MAML3: variants seen among roughly 807,000 people sequenced by gnomAD.
The protein encoded by MAML3 is mastermind like transcriptional coactivator 3, also known as mastermind-like protein 3.
Under a neutral mutation model 101.9 loss-of-function variants are expected in MAML3, and 27 were observed. That is an observed-to-expected ratio of 0.27 (90% CI 0.20 to 0.37). MAML3 has a LOEUF of 0.37. Ranked by LOEUF, MAML3 falls within the 10% of genes least tolerant of loss-of-function variation. The probability of loss-of-function intolerance (pLI) is 1.00; values close to 1 mark genes in which losing one functional copy is unlikely to be tolerated. For synonymous variants in MAML3, 501 were observed against 555.9 expected (o/e 0.90, Z 1.39); for missense variants, 1,316 against 1,444.9 (o/e 0.91, Z 1.45).
At chr4:140,079,625 G>T (rs1237340394) in intron 1 of MAML3, among the ~76,000 whole-genome samples, 1 of 152,034 alleles carries the variant, frequency 6.6e-6, no homozygotes, top group Non-Finnish European at 1.5e-5. Flanking sequence ...TTTCCTCCTT[G>T]CATTGGGAAA....
At chr4:139,727,605 C>G (rs1438572896) in intron 3 of MAML3, among the ~76,000 whole-genome samples, 1 of 152,152 alleles carries the variant, frequency 6.6e-6, no homozygotes, top group African/African-American at 2.4e-5. Flanking sequence ...GATGGGACTT[C>G]ATGATGTAGA....
At chr4:139,796,087 A>G (rs941972665) in intron 2 of MAML3, among the ~76,000 whole-genome samples, 1 of 152,136 alleles carries the variant, frequency 6.6e-6, no homozygotes, top group East Asian at 1.9e-4. Context: ...GAAATGTGGG[A>G]GCTTCATGTT....
intron 2 of MAML3, among the ~76,000 whole-genome samples, chr4:139,864,950 T>C (rs939581869): frequency 1.4e-5 from 2 of 144,556 alleles, no homozygotes; most frequent in Non-Finnish European, 3.0e-5. Flanking sequence ...TTTTTTTTTT[T>C]TTTGCCACAA....
intron 2 of MAML3, among the ~76,000 whole-genome samples, chr4:139,832,105 T>TCCAC (rs1731176696): frequency 9.6e-6 from 1 of 103,974 alleles, no homozygotes; most frequent in African/African-American, 6.6e-5. Context: ...TTTTTTTTTT[T>TCCAC]TTTTTTTTTT....
intron 2 of MAML3, among the ~76,000 whole-genome samples, chr4:139,871,890 T>A (rs1732013762): frequency 6.6e-6 from 1 of 152,266 alleles, no homozygotes; most frequent in African/African-American, 2.4e-5. Flanking sequence ...CGGTTGTAAC[T>A]ACTTGTTACA....
chr4:140,011,392 C>A (rs1247147305), intron 1 of MAML3, among the ~76,000 whole-genome samples: 1 of 134,068 alleles, frequency 7.5e-6, no homozygotes, highest in Non-Finnish European at 1.6e-5. Flanking sequence ...GGCCGGACTG[C>A]GGACTGCAGT....
At chr4:139,784,979 T>C (rs1224843090) in intron 2 of MAML3, among the ~76,000 whole-genome samples, 1 of 152,226 alleles carries the variant, frequency 6.6e-6, no homozygotes, top group Admixed American at 6.5e-5. Flanking sequence ...AATCTCTGAA[T>C]GGTACTATGT....
rs1227119619 is a variant in MAML3 at position 140,009,845 on chromosome 4, G to C, written c.469-118878C>G. ...ACTTAGATTCACAGGAATTTTATCA[G>C]TTCAAGCTAAACTCATTTGGGATAG... On this transcript the variant is annotated intron_variant, in intron 1 of 4. Coordinates refer to ENST00000509479, the MANE Select transcript of MAML3 (RefSeq NM_018717.5). Among the ~76,000 whole-genome samples the C allele has an allele frequency of 4.6e-5, 7 of 152,284 alleles. No homozygotes were observed. In the East Asian group the frequency reaches 1.4e-3, roughly 29 times the overall value.
chr4:139,870,377 GGA>G (rs1731985109), intron 2 of MAML3, among the ~76,000 whole-genome samples: 2 of 152,150 alleles, frequency 1.3e-5, no homozygotes, highest in South Asian at 4.2e-4. Flanking sequence ...TGGTGATTGG[GGA>G]ACAAAACATC....
At chr4:140,029,374 G>C (rs1726873422) in intron 1 of MAML3, among the ~76,000 whole-genome samples, 1 of 152,174 alleles carries the variant, frequency 6.6e-6, no homozygotes, top group Non-Finnish European at 1.5e-5. Flanking sequence ...GAGAAATGCT[G>C]AATTCTCTCT....
chr4:140,049,495 G>A (rs1378627596), intron 1 of MAML3, among the ~76,000 whole-genome samples: 3 of 152,172 alleles, frequency 2.0e-5, no homozygotes, highest in Non-Finnish European at 4.4e-5. Flanking sequence ...TCACTCACAG[G>A]GAGAACAGAG....
At chr4:140,000,015 T>C (rs1464798043) in intron 1 of MAML3, among the ~76,000 whole-genome samples, 1 of 152,202 alleles carries the variant, frequency 6.6e-6, no homozygotes, top group Admixed American at 6.5e-5. Context: ...AGAATATGAT[T>C]AATGACCGTT....
At chr4:139,871,218 A>G (rs1047848749) in intron 2 of MAML3, among the ~76,000 whole-genome samples, 1 of 152,108 alleles carries the variant, frequency 6.6e-6, no homozygotes, top group African/African-American at 2.4e-5. Flanking sequence ...TTTACCTACC[A>G]CCTAGATAAG....
At chr4:139,825,675 C>A (rs1338721939) in intron 2 of MAML3, among the ~76,000 whole-genome samples, 8 of 151,768 alleles carry the variant, frequency 5.3e-5, no homozygotes, top group Non-Finnish European at 1.2e-4. Flanking sequence ...TCCAGAGAGG[C>A]AATTTGCAGC....
At chr4:139,904,850 C>T (rs987451831) in intron 1 of MAML3, among the ~76,000 whole-genome samples, 4 of 152,222 alleles carry the variant, frequency 2.6e-5, no homozygotes, top group Non-Finnish European at 5.9e-5. Flanking sequence ...GTACTGAATA[C>T]TATAGGCAAC....
intron 1 of MAML3, among the ~76,000 whole-genome samples, chr4:139,945,725 A>C (rs1016078597): frequency 1.3e-5 from 2 of 152,274 alleles, no homozygotes; most frequent in African/African-American, 4.8e-5. Context: ...ATGAATAATA[A>C]AACCAAATTA....
intron 1 of MAML3, among the ~76,000 whole-genome samples, chr4:139,930,481 A>T (rs1400019541): frequency 6.6e-6 from 1 of 152,234 alleles, no homozygotes; most frequent in Non-Finnish European, 1.5e-5. Flanking sequence ...CTCCTCCAGG[A>T]TGTAAGTTCC....
intron 2 of MAML3, among the ~76,000 whole-genome samples, chr4:139,776,493 A>G (rs143136232): frequency 2.0e-4 from 30 of 152,328 alleles, no homozygotes; most frequent in African/African-American, 6.5e-4. Flanking sequence ...AGTGAAAAAT[A>G]ACAAAGCTCC....
intron 2 of MAML3, among the ~76,000 whole-genome samples, chr4:139,761,845 G>A (rs1729766590): frequency 6.6e-6 from 1 of 151,834 alleles, no homozygotes; most frequent in Non-Finnish European, 1.5e-5. Context: ...GTTTTCTCCG[G>A]GAGTAGATCC....
Sources: allele counts gnomAD v4.1 joint callset (sites outside exome capture counted in the v4.1 genomes callset), GRCh38; gene constraint gnomAD v4.1.1; transcripts MANE v1.5; gene names NCBI Gene and HGNC (gene_info 2026-07-23, HGNC 2026-07-21).